CPXM2: variants seen among roughly 807,000 people sequenced by gnomAD.
CPXM2 encodes the protein inactive carboxypeptidase-like protein X2.
Under a neutral mutation model 86.1 loss-of-function variants are expected in CPXM2, and 66 were observed. The ratio of observed to expected loss-of-function variants is 0.77; its 90% CI spans 0.63 to 0.94. The LOEUF (loss-of-function observed/expected upper bound fraction) is 0.94. Ranked by LOEUF, CPXM2 falls within the 40% of genes least tolerant of loss-of-function variation. CPXM2 has a pLI of 0.00. For missense variants in CPXM2, 948 were observed against 1,026.3 expected (o/e 0.92, Z 1.04); for synonymous variants, 388 against 400.2 (o/e 0.97, Z 0.36).
At chr10:123,915,431 G>A (rs969905344) in intron 2 of CPXM2, among the ~76,000 whole-genome samples, 2 of 152,136 alleles carry the variant, frequency 1.3e-5, no homozygotes, top group Admixed American at 6.5e-5. Flanking sequence ...GATGGCAGGC[G>A]CCTGTAGTCC....
chr10:123,863,600 T>C (rs563687101), intron 2 of CPXM2, among the ~76,000 whole-genome samples: 4 of 152,320 alleles, frequency 2.6e-5, no homozygotes, highest in African/African-American at 9.6e-5. Flanking sequence ...CTCTCCATCC[T>C]GCCTACCAGA....
chr10:123,908,606 T>G (rs1945463751), intron 2 of CPXM2, among the ~76,000 whole-genome samples: 1 of 151,756 alleles, frequency 6.6e-6, no homozygotes, highest in Non-Finnish European at 1.5e-5. Flanking sequence ...GAGACAGGTG[T>G]GGGGAGAGGG....
At chr10:123,792,970 G>A (rs987872037) in intron 6 of CPXM2, among the ~76,000 whole-genome samples, 14 of 152,196 alleles carry the variant, frequency 9.2e-5, no homozygotes, top group African/African-American at 3.1e-4. Flanking sequence ...AAACCCTAGG[G>A]AAGGAGGAGA....
Position 123,780,214 on chromosome 10 carries a change from T to C in CPXM2, c.931A>G (p.Thr311Ala), listed in dbSNP as rs776218004. 1 of 1,611,788 alleles carries C rather than the reference T, an allele frequency of 6.2e-7. No individual in the cohort carries two copies. The highest frequency in any genetic ancestry group is 1.7e-5 in the Admixed American group (1 of 59,994). The stretch of plus-strand genomic sequence containing the variant: ...TGGTGCTTAAAATCCAGGTCATCAG[T>C]GGTGGTCATCTCGTTCCGGCGGTGA... ...YYHRRNEMTT[T>A]DDLDFKHHNY... The change falls in exon 7 of 14, where the codon ACT becomes GCT. Residue 311 changes from threonine (T) to alanine (A), a missense_variant. Thr to Ala is a moderately conservative substitution (Grantham distance 58). Coordinates refer to ENST00000241305, the MANE Select transcript of CPXM2 (RefSeq NM_198148.3).
chr10:123,798,624 G>A, intron 5 of CPXM2, among the ~76,000 whole-genome samples: 1 of 152,076 alleles, frequency 6.6e-6, no homozygotes, highest in East Asian at 1.9e-4. Context: ...TGAGAAAGAA[G>A]GTTGAAAAAG....
intron 3 of CPXM2, among the ~76,000 whole-genome samples, chr10:123,849,549 G>A (rs534637936): frequency 2.0e-5 from 3 of 150,916 alleles, no homozygotes; most frequent in African/African-American, 7.3e-5. Context: ...CATTAGCTGG[G>A]ATTACAGGCA....
intron 1 of CPXM2, among the ~76,000 whole-genome samples, chr10:123,888,875 A>G (rs896459440): frequency 7.9e-5 from 12 of 152,100 alleles, no homozygotes; most frequent in African/African-American, 2.9e-4. Context: ...GAGTCTCTAG[A>G]TCTTCCGAAG....
chr10:123,768,740 G>A lies in CPXM2; in HGVS notation c.1103-18C>T, dbSNP rs762517969. The A allele has an allele frequency of 6.2e-7, 1 of 1,603,120 alleles. No individual in the cohort carries two copies. The highest frequency in any genetic ancestry group is 1.7e-5 in the Admixed American group (1 of 59,934). On this transcript the variant is annotated intron_variant, in intron 8 of 13. Transcript: ENST00000241305. ...GGGCTCACCTTTACTCAAAGACAGA[G>A]AGAAGCACAGGTTCACGTTGAAACA...
In CPXM2 at chr10:123,849,437, C is replaced by CT. The variant is rs11317738; in HGVS notation, c.514-6950dup. Among the ~76,000 whole-genome samples the CT allele has an allele frequency of 6.3e-3, 692 of 110,138 alleles. 6 individuals carry two copies. Among genetic ancestry groups the CT allele is most frequent in the Non-Finnish European group, 7.3e-3 (418 of 57,008 alleles). The allele number at this position is 110,138 out of a possible 152,430, so 72.3% of individuals were successfully genotyped here. A position where few individuals can be genotyped will look rare whatever the true frequency, so the allele number is the denominator to read the frequency against. On this transcript the variant is annotated intron_variant, in intron 3 of 13. Transcript: ENST00000241305. Reference sequence around the variant, plus strand: ...ATTTATTATATTCTTAACGTTCACTCTTTTTTTTTTTTTTTTTTTTGAGAT... The same window carrying CT: ...ATTTATTATATTCTTAACGTTCACTCTTTTTTTTTTTTTTTTTTTTTGAGAT...
chr10:123,783,131 G>C (rs577745390), intron 6 of CPXM2, among the ~76,000 whole-genome samples: 1 of 152,336 alleles, frequency 6.6e-6, no homozygotes, highest in Admixed American at 6.5e-5. Flanking sequence ...CTCTTTCCCA[G>C]AAAACTCATT....
chr10:123,890,464 C>T (rs1177858499), intron 1 of CPXM2, among the ~76,000 whole-genome samples: 1 of 152,248 alleles, frequency 6.6e-6, no homozygotes, highest in Non-Finnish European at 1.5e-5. Flanking sequence ...TACCCGGAGC[C>T]CTGTAACGGT....
chr10:123,819,313 C>A (rs1847877946), intron 4 of CPXM2, among the ~76,000 whole-genome samples: 1 of 152,156 alleles, frequency 6.6e-6, no homozygotes, highest in Non-Finnish European at 1.5e-5. Context: ...GGCAGGACTA[C>A]AAGTGGGCCA....
intron 2 of CPXM2, among the ~76,000 whole-genome samples, chr10:123,933,055 A>G (rs1945681376): frequency 6.6e-6 from 1 of 152,230 alleles, no homozygotes; most frequent in Non-Finnish European, 1.5e-5. Context: ...GTGATTGTGC[A>G]TTAGGGACAA....
intron 2 of CPXM2, among the ~76,000 whole-genome samples, chr10:123,863,990 A>G (rs1448895001): frequency 1.3e-5 from 2 of 152,088 alleles, no homozygotes; most frequent in Non-Finnish European, 2.9e-5. Flanking sequence ...CTGACCCATT[A>G]GGCTGCCTGT....
At chr10:123,788,668 C>T (rs1215159054) in intron 6 of CPXM2, among the ~76,000 whole-genome samples, 1 of 152,212 alleles carries the variant, frequency 6.6e-6, no homozygotes, top group Non-Finnish European at 1.5e-5. Flanking sequence ...TTTCTTTATA[C>T]CAGACCTCAC....
At chr10:123,768,861 C>T in intron 8 of CPXM2, 139 bp from the exon 9 acceptor site, 1 of 701,518 alleles carries the variant, frequency 1.4e-6, no homozygotes, top group Non-Finnish European at 2.3e-6. Flanking sequence ...TTCAAACAAA[C>T]CTCTAAAATG....
At chr10:123,862,356 T>C (rs1848868024) in intron 3 of CPXM2, among the ~76,000 whole-genome samples, 1 of 152,172 alleles carries the variant, frequency 6.6e-6, no homozygotes, top group Non-Finnish European at 1.5e-5. Context: ...AAGAGAAGTG[T>C]TCAAAAGGTG....
chr10:123,915,669 A>C (rs1393762158), intron 2 of CPXM2, among the ~76,000 whole-genome samples: 1 of 152,200 alleles, frequency 6.6e-6, no homozygotes, highest in East Asian at 1.9e-4. Flanking sequence ...TATGATGTCA[A>C]CTTTCTTCCT....
chr10:123,794,191 G>C (rs1847271897), intron 6 of CPXM2, among the ~76,000 whole-genome samples: 1 of 152,194 alleles, frequency 6.6e-6, no homozygotes, highest in South Asian at 2.1e-4. Flanking sequence ...CCATCACTAG[G>C]TTCTGTAAGT....
Sources: allele counts gnomAD v4.1 joint callset (sites outside exome capture counted in the v4.1 genomes callset), GRCh38; gene constraint gnomAD v4.1.1; transcripts MANE v1.5; gene names NCBI Gene and HGNC (gene_info 2026-07-23, HGNC 2026-07-21).